USP49: variants seen among roughly 807,000 people sequenced by gnomAD.
USP49 encodes the protein ubiquitin carboxyl-terminal hydrolase 49.
USP49 carries 24 observed loss-of-function variants against 58.6 expected under a neutral mutation model. That is an observed-to-expected ratio of 0.41 (90% CI 0.30 to 0.58). USP49 has a LOEUF of 0.58. USP49 is among the 20% of genes least tolerant of loss of function. USP49 has a pLI of 0.30. For synonymous variants in USP49, 408 were observed against 365.1 expected (o/e 1.12, Z -1.34); for missense variants, 703 against 866.1 (o/e 0.81, Z 2.36).
chr6:41,865,270 C>T (rs966189798), intron 3 of USP49, among the ~76,000 whole-genome samples: 14 of 152,058 alleles, frequency 9.2e-5, no homozygotes, highest in Non-Finnish European at 1.8e-4. Flanking sequence ...GTCTTGAATT[C>T]CTGACCTCAG....
In USP49 at chr6:41,792,636, G is replaced by C. The variant is rs1772817345; in HGVS notation, c.*3897C>G. The stretch of plus-strand genomic sequence containing the variant: ...TTGAAAAGCAGCCATTTGATGAACA[G>C]TCACAAATACAAAGAATTTGGACAT... On this transcript the variant is annotated 3_prime_UTR_variant, in exon 8 of 8. Transcript: ENST00000682992. 6.6e-6 allele frequency: 1 copy of C among 152,218 alleles called. No individual in the cohort carries two copies. Among genetic ancestry groups the C allele is most frequent in the Non-Finnish European group, 1.5e-5 (1 of 68,038 alleles). 9.4% of individuals were successfully genotyped at this position (152,218 alleles called of 1,614,324 possible).
chr6:41,845,111 G>A (rs1374733640), intron 3 of USP49, among the ~76,000 whole-genome samples: 2 of 152,130 alleles, frequency 1.3e-5, no homozygotes, highest in African/African-American at 2.4e-5. Flanking sequence ...ATGTTGGTCA[G>A]GCTGGTCTCG....
intron 3 of USP49, among the ~76,000 whole-genome samples, chr6:41,842,417 G>A (rs953103494): frequency 1.3e-4 from 20 of 152,056 alleles, no homozygotes; most frequent in African/African-American, 4.8e-4. Flanking sequence ...TGGTGTTGCT[G>A]TTCAATCACC....
intron 3 of USP49, among the ~76,000 whole-genome samples, chr6:41,835,820 T>G (rs1175623206): frequency 1.3e-5 from 2 of 151,894 alleles, no homozygotes; most frequent in African/African-American, 4.8e-5. Flanking sequence ...ATGCCTGTAA[T>G]CCTAGCACTT....
At chr6:41,800,490 A>C (rs1262644727) in intron 5 of USP49, among the ~76,000 whole-genome samples, 1 of 152,232 alleles carries the variant, frequency 6.6e-6, no homozygotes, top group Non-Finnish European at 1.5e-5. Context: ...CGTATAATGG[A>C]ATATAATGGA....
At chr6:41,864,334 G>A (rs947244293) in intron 3 of USP49, among the ~76,000 whole-genome samples, 4 of 151,986 alleles carry the variant, frequency 2.6e-5, no homozygotes, top group Admixed American at 6.6e-5. Context: ...AGGCTGAGGC[G>A]GGCGGATCAC....
intron 3 of USP49, among the ~76,000 whole-genome samples, chr6:41,808,824 C>A (rs193302040): frequency 1.3e-5 from 2 of 152,124 alleles, no homozygotes; most frequent in African/African-American, 4.8e-5. Flanking sequence ...TTGCACACTT[C>A]GGGAGGCTGA....
intron 3 of USP49, among the ~76,000 whole-genome samples, chr6:41,847,669 G>A (rs1406389769): frequency 6.6e-6 from 1 of 151,786 alleles, no homozygotes; most frequent in Non-Finnish European, 1.5e-5. Context: ...AGCCAAGATC[G>A]TGCCACTACA....
intron 2 of USP49, among the ~76,000 whole-genome samples, chr6:41,876,711 C>T (rs1023292662): frequency 2.0e-5 from 3 of 152,066 alleles, no homozygotes; most frequent in East Asian, 1.9e-4. Context: ...CGCAACCTGC[C>T]GTAATCGAAG....
At chr6:41,860,478 A>C (rs1774200781) in intron 3 of USP49, among the ~76,000 whole-genome samples, 1 of 152,078 alleles carries the variant, frequency 6.6e-6, no homozygotes, top group Non-Finnish European at 1.5e-5. Context: ...ATATGCTTGA[A>C]AATTATTGTA....
intron 6 of USP49, among the ~76,000 whole-genome samples, chr6:41,799,481 C>A (rs1206623984): frequency 6.6e-6 from 1 of 152,174 alleles, no homozygotes; most frequent in Non-Finnish European, 1.5e-5. Flanking sequence ...AAGCAACAGT[C>A]TTTTTGTAGT....
intron 3 of USP49, among the ~76,000 whole-genome samples, chr6:41,829,972 A>G (rs995589152): frequency 6.6e-6 from 1 of 152,238 alleles, no homozygotes; most frequent in African/African-American, 2.4e-5. Flanking sequence ...GTTGGATGAT[A>G]TCAGTGATGT....
At chr6:41,823,856 G>C (rs1042228667) in intron 3 of USP49, among the ~76,000 whole-genome samples, 4 of 152,130 alleles carry the variant, frequency 2.6e-5, no homozygotes, top group Non-Finnish European at 5.9e-5. Context: ...GAGGGAGAGA[G>C]AGAGTGTGTG....
At chr6:41,826,700 CCT>C (rs1773544168) in intron 3 of USP49, among the ~76,000 whole-genome samples, 1 of 152,002 alleles carries the variant, frequency 6.6e-6, no homozygotes, top group East Asian at 1.9e-4. Context: ...ATACTAAAAC[CCT>C]GAGGTTTGAG....
In USP49 at chr6:41,792,159, G is replaced by A. The variant is rs1056527826; in HGVS notation, c.*4374C>T. The A allele has an allele frequency of 1.3e-5, 2 of 152,272 alleles. No individual in the cohort carries two copies. The highest frequency in any genetic ancestry group is 1.3e-4 in the Admixed American group (2 of 15,284). The allele number at this position is 152,272 out of a possible 1,614,324, so 9.4% of individuals were successfully genotyped here. On this transcript the variant is annotated 3_prime_UTR_variant, in exon 8 of 8. Transcript: ENST00000682992. Reference sequence around the variant, plus strand: ...TCCACATTCACTCAGCGCCATCTCAGTCAGCGCCTGCCAGGGAAAGGGCAT... The same window carrying A: ...TCCACATTCACTCAGCGCCATCTCAATCAGCGCCTGCCAGGGAAAGGGCAT...
At chr6:41,863,986 C>T (rs1774267973) in intron 3 of USP49, among the ~76,000 whole-genome samples, 2 of 144,778 alleles carry the variant, frequency 1.4e-5, no homozygotes, top group Non-Finnish European at 3.0e-5. Flanking sequence ...CCAGGCTGAT[C>T]TCAAATTCCT....
chr6:41,873,699 C>A lies in USP49; in HGVS notation c.-102-2062G>T, dbSNP rs144866348. 2.0e-4 allele frequency among the ~76,000 whole-genome samples: 30 copies of A among 152,282 alleles called. No homozygotes were observed. In the East Asian group the frequency reaches 5.4e-3, roughly 28 times the overall value. ...CTCCCCAAAAGCTGACTGTAATAAT[C>A]AGTCCTACACTAAGCAGCACCTAGG... On this transcript the variant is annotated intron_variant, in intron 2 of 7. Transcript: ENST00000682992.
intron 7 of USP49, among the ~76,000 whole-genome samples, chr6:41,797,254 C>A (rs1772903362): frequency 6.6e-6 from 1 of 152,164 alleles, no homozygotes; most frequent in African/African-American, 2.4e-5. Flanking sequence ...GCCACCGCAC[C>A]CAGCCGACTG....
rs190675168 is a variant in USP49, at chr6:41,872,619, C to T, written c.-102-982G>A. On this transcript the variant is annotated intron_variant, in intron 2 of 7. Transcript: ENST00000682992. ...AAGAAAGAAGAAAATATGTTCCCGGCCAGGCACGGTGGCTCACATCTGTAA... is the reference window on the plus strand; with the variant it reads ...AAGAAAGAAGAAAATATGTTCCCGGTCAGGCACGGTGGCTCACATCTGTAA... Among the ~76,000 whole-genome samples, 6 of 151,968 alleles carry T rather than the reference C, an allele frequency of 3.9e-5. No individual in the cohort carries two copies. The East Asian group carries it at 1.2e-3, about 29-fold the overall frequency.
Sources: allele counts gnomAD v4.1 joint callset (sites outside exome capture counted in the v4.1 genomes callset), GRCh38; gene constraint gnomAD v4.1.1; transcripts MANE v1.5; gene names NCBI Gene and HGNC (gene_info 2026-07-23, HGNC 2026-07-21).